The following DACH1 variants were observed in gnomAD, a reference collection of about 807,000 sequenced individuals.
The protein encoded by DACH1 is dachshund homolog 1.
Under a neutral mutation model 54.2 loss-of-function variants are expected in DACH1, and 12 were observed. The observed-to-expected ratio is 0.22, with a 90% CI of 0.14 to 0.36. The LOEUF is 0.36. Ranked by LOEUF, DACH1 falls within the 10% of genes least tolerant of loss-of-function variation. The probability of loss-of-function intolerance (pLI) is 1.00; values close to 1 mark genes in which losing one functional copy is unlikely to be tolerated. For missense variants in DACH1, 805 were observed against 929.8 expected (o/e 0.87, Z 1.75); for synonymous variants, 386 against 366.2 (o/e 1.05, Z -0.62).
chr13:71,660,727 AAGCTGCCTTTTGTTATGTTAGATT>A (rs1309610715), intron 2 of DACH1, among the ~76,000 whole-genome samples: 1 of 151,950 alleles, frequency 6.6e-6, no homozygotes, highest in Non-Finnish European at 1.5e-5. Context: ...TGTAATGTGT[AAGCTGCCTTTTGTTATGTTAGATT>A]ATGTTAGGAA....
intron 10 of DACH1, among the ~76,000 whole-genome samples, chr13:71,459,173 TGCA>T (rs1875852505): frequency 6.6e-6 from 1 of 151,970 alleles, no homozygotes; most frequent in African/African-American, 2.4e-5. Flanking sequence ...AGTACTTTAA[TGCA>T]GGATCTTGGT....
At chr13:71,552,832 TATATATATATAGAGAGAGAG>T (rs1299817960) in intron 6 of DACH1, among the ~76,000 whole-genome samples, 12 of 38,792 alleles carry the variant, frequency 3.1e-4, no homozygotes, top group African/African-American at 1.0e-3. Flanking sequence ...TATATATATA[TATATATATATAGAGAGAGAG>T]AGAGAGAGAG....
At chr13:71,518,319 A>G (rs375420017) in intron 6 of DACH1, among the ~76,000 whole-genome samples, 14 of 151,790 alleles carry the variant, frequency 9.2e-5, no homozygotes, top group South Asian at 8.3e-4. Context: ...TGGAAAGCCA[A>G]GGAGAGAGGC....
rs1342342144 is a variant in DACH1 at position 71,475,217 on chromosome 13, C to T, written c.2015-8G>A. The T allele has an allele frequency of 1.2e-6, 2 of 1,612,452 alleles. No homozygotes were observed. Among genetic ancestry groups the T allele is most frequent in the Admixed American group, 3.3e-5 (2 of 59,910 alleles). On this transcript the variant is annotated splice_region_variant and splice_polypyrimidine_tract_variant and intron_variant, in intron 9 of 10. Coordinates refer to ENST00000613252, the MANE Select transcript of DACH1 (RefSeq NM_080759.6). ...TCTCTGGGGTCAGAGAGTCTAAAAG[C>T]ACAGAAAGGTAAGAGTGACACATAT...
intron 10 of DACH1, among the ~76,000 whole-genome samples, chr13:71,460,380 T>C (rs192625007): frequency 2.5e-4 from 38 of 152,198 alleles, no homozygotes; most frequent in African/African-American, 6.5e-4. Flanking sequence ...GAGACTCTTG[T>C]GGTGAGTGTG....
At chr13:71,755,409 CCA>C (rs1885102505) in intron 1 of DACH1, among the ~76,000 whole-genome samples, 1 of 152,102 alleles carries the variant, frequency 6.6e-6, no homozygotes, top group Non-Finnish European at 1.5e-5. Context: ...CATCAGTGGG[CCA>C]GACGAAACTG....
rs190600001 is a variant in DACH1 at position 71,685,103 on chromosome 13, C to T, written c.849-3193G>A. ...AACTACTTAGGAGTACTTTATTATT[C>T]TGGCCACAGGAATTGTCCCCACAGC... On this transcript the variant is annotated intron_variant, in intron 1 of 10. Transcript: ENST00000613252. 4.3e-4 allele frequency among the ~76,000 whole-genome samples: 65 copies of T among 152,224 alleles called. 1 individual carries two copies. In the East Asian group the frequency reaches 9.3e-3, roughly 22 times the overall value.
chr13:71,708,270 T>C (rs994753198), intron 1 of DACH1, among the ~76,000 whole-genome samples: 5 of 152,198 alleles, frequency 3.3e-5, no homozygotes, highest in Admixed American at 3.3e-4. Context: ...AGTCTGGTAT[T>C]AAAAGTAAGC....
intron 1 of DACH1, among the ~76,000 whole-genome samples, chr13:71,756,508 T>C (rs541754554): frequency 6.6e-6 from 1 of 151,086 alleles, no homozygotes; most frequent in South Asian, 2.1e-4. Context: ...GGTTTAGGGT[T>C]TGTTTTCAAA....
chr13:71,704,638 T>G (rs1380624038), intron 1 of DACH1: 8 of 389,476 alleles, frequency 2.1e-5, no homozygotes, highest in Non-Finnish European at 4.1e-5. Context: ...ACCTCTTCCC[T>G]GTGGATTCAT....
intron 6 of DACH1, among the ~76,000 whole-genome samples, chr13:71,497,859 GACACACACACACACACACACAC>G (rs6145114): frequency 1.1e-4 from 16 of 146,314 alleles, no homozygotes; most frequent in African/African-American, 3.5e-4. Context: ...AATATGTGTT[GACACACACACACACACACACAC>G]ACACACACAC....
intron 10 of DACH1, among the ~76,000 whole-genome samples, chr13:71,467,806 G>A (rs1876727506): frequency 6.6e-6 from 1 of 152,044 alleles, no homozygotes. Flanking sequence ...GGACTAGAGG[G>A]AAATTTATTG....
At chr13:71,480,122 C>T (rs564798587) in intron 7 of DACH1, among the ~76,000 whole-genome samples, 121 of 152,084 alleles carry the variant, frequency 8.0e-4, no homozygotes, top group Non-Finnish European at 1.5e-3. Flanking sequence ...AGGACTATGC[C>T]CCCAGGGCCC....
chr13:71,813,657 CAA>C (rs1887804345), intron 1 of DACH1, among the ~76,000 whole-genome samples: 1 of 152,054 alleles, frequency 6.6e-6, no homozygotes, highest in African/African-American at 2.4e-5. Context: ...AGTTCTCATG[CAA>C]GTCATCTAAT....
At chr13:71,515,421 G>A (rs1249584801) in intron 6 of DACH1, among the ~76,000 whole-genome samples, 2 of 151,838 alleles carry the variant, frequency 1.3e-5, no homozygotes, top group African/African-American at 4.8e-5. Flanking sequence ...GTGATAACAT[G>A]TTAAAATTAA....
At chr13:71,678,660 T>C (rs1452569592) in intron 2 of DACH1, among the ~76,000 whole-genome samples, 1 of 151,780 alleles carries the variant, frequency 6.6e-6, no homozygotes, top group Non-Finnish European at 1.5e-5. Flanking sequence ...CTTTCCTTCT[T>C]TCTTTTTTTT....
intron 1 of DACH1, among the ~76,000 whole-genome samples, chr13:71,861,335 A>G (rs1355123763): frequency 6.6e-6 from 1 of 152,030 alleles, no homozygotes; most frequent in Non-Finnish European, 1.5e-5. Flanking sequence ...GAGTTCAGAA[A>G]GTAAAGTATC....
At chr13:71,784,345 G>T (rs1594217599) in intron 1 of DACH1, among the ~76,000 whole-genome samples, 4 of 151,984 alleles carry the variant, frequency 2.6e-5, no homozygotes, top group Admixed American at 2.6e-4. Flanking sequence ...TAAATGTAGT[G>T]GTAGAATAAA....
At chr13:71,764,791 G>A (rs1252702292) in intron 1 of DACH1, among the ~76,000 whole-genome samples, 1 of 152,158 alleles carries the variant, frequency 6.6e-6, no homozygotes, top group Non-Finnish European at 1.5e-5. Flanking sequence ...TATCCATTAG[G>A]AGAACTCTTC....
Sources: gnomAD v4.1 joint callset for allele counts (sites outside exome capture counted in the v4.1 genomes callset) on GRCh38, gnomAD v4.1.1 for gene constraint, MANE v1.5 for transcripts, NCBI Gene and HGNC (gene_info 2026-07-23, HGNC 2026-07-21) for gene names.